CDC73: variants seen among roughly 807,000 people sequenced by gnomAD.
CDC73 encodes the protein cell division cycle 73, also known as parafibromin.
Under a neutral mutation model 83.7 loss-of-function variants are expected in CDC73, and 21 were observed. That is an observed-to-expected ratio of 0.25 (90% CI 0.18 to 0.36). The LOEUF is 0.36. CDC73 is among the 10% of genes least tolerant of loss of function. The probability of loss-of-function intolerance (pLI) is 1.00; values close to 1 mark genes in which losing one functional copy is unlikely to be tolerated. For missense variants in CDC73, 342 were observed against 653.3 expected, an observed-to-expected ratio of 0.52 and a Z score of 5.19; for synonymous variants, 224 against 212.9, an observed-to-expected ratio of 1.05 and a Z score of -0.45.
intron 10 of CDC73, among the ~76,000 whole-genome samples, chr1:193,168,858 T>C (rs770718841): frequency 6.6e-6 from 1 of 152,204 alleles, no homozygotes; most frequent in East Asian, 1.9e-4. Context: ...TCATCGACAA[T>C]AGGTAAATGA....
At chr1:193,219,978 C>T (rs1037245964) in intron 13 of CDC73, among the ~76,000 whole-genome samples, 21 of 152,080 alleles carry the variant, frequency 1.4e-4, no homozygotes, top group African/African-American at 3.9e-4. Flanking sequence ...CTACAAGAGT[C>T]AAGGCCTAAG....
chr1:193,125,317 G>C, intron 2 of CDC73, 100 bp downstream of exon 2: 3 of 758,886 alleles, frequency 4.0e-6, no homozygotes, highest in Non-Finnish European at 7.0e-6. Flanking sequence ...AGGGTGCAGT[G>C]GTGTGATCAT....
intron 10 of CDC73, among the ~76,000 whole-genome samples, chr1:193,176,365 G>T (rs763052110): frequency 2.0e-5 from 3 of 152,176 alleles, no homozygotes; most frequent in Non-Finnish European, 4.4e-5. Context: ...CTTGGTCATG[G>T]ATACTGATTA....
chr1:193,228,561 CA>C (rs2102053982), intron 13 of CDC73, among the ~76,000 whole-genome samples: 1 of 152,144 alleles, frequency 6.6e-6, no homozygotes, highest in East Asian at 1.9e-4. Context: ...CAATGCAATT[CA>C]ATTAAGAAAC....
At chr1:193,210,160 G>A (rs923363852) in intron 11 of CDC73, among the ~76,000 whole-genome samples, 1 of 152,176 alleles carries the variant, frequency 6.6e-6, no homozygotes, top group African/African-American at 2.4e-5. Flanking sequence ...CTCAGTATGT[G>A]TTTGTGTATA....
At chr1:193,246,115 A>C (rs565018705) in intron 15 of CDC73, among the ~76,000 whole-genome samples, 6 of 152,086 alleles carry the variant, frequency 3.9e-5, no homozygotes, top group Non-Finnish European at 7.4e-5. Context: ...TTTACTGTGC[A>C]GAAGCTTTTT....
chr1:193,126,697 TTAAG>T (rs1168729470), intron 2 of CDC73, among the ~76,000 whole-genome samples: 1 of 152,208 alleles, frequency 6.6e-6, no homozygotes, highest in Non-Finnish European at 1.5e-5. Flanking sequence ...ACACTTAAAA[TTAAG>T]TATGAAATGT....
chr1:193,127,858 T>G (rs1675609211), intron 2 of CDC73: 1 of 147,420 alleles, frequency 6.8e-6, no homozygotes, highest in African/African-American at 2.5e-5. Context: ...TGGCGTGATC[T>G]CGGCTCACTG....
chr1:193,239,040 CT>C (rs1220305092), intron 15 of CDC73, among the ~76,000 whole-genome samples: 1 of 152,182 alleles, frequency 6.6e-6, no homozygotes. Flanking sequence ...GATCTCATAG[CT>C]TTCAATTACC....
chr1:193,232,876 C>A, intron 13 of CDC73, 117 bp from the exon 14 acceptor site: 3 of 828,856 alleles, frequency 3.6e-6, no homozygotes, highest in South Asian at 3.2e-5. Context: ...GCACTCTAGC[C>A]TGGGCAATAA....
At chr1:193,184,651 T>C (rs920629971) in intron 10 of CDC73, among the ~76,000 whole-genome samples, 1 of 152,072 alleles carries the variant, frequency 6.6e-6, no homozygotes, top group African/African-American at 2.4e-5. Context: ...ACTTTTGTTT[T>C]GAGATGTATA....
At chr1:193,152,557 T>G in intron 10 of CDC73, 113 bp downstream of exon 10, 1 of 722,972 alleles carries the variant, frequency 1.4e-6, no homozygotes, top group South Asian at 1.5e-5. Flanking sequence ...TTTTTCTTTA[T>G]TGATCACTTG....
chr1:193,215,934 C>T (rs79120145), intron 13 of CDC73, among the ~76,000 whole-genome samples: 17 of 152,180 alleles, frequency 1.1e-4, no homozygotes, highest in South Asian at 4.1e-4. Context: ...TACAATGTAC[C>T]GGAATCCCTG....
intron 15 of CDC73, among the ~76,000 whole-genome samples, chr1:193,236,626 G>A (rs1677763597): frequency 6.6e-6 from 1 of 152,006 alleles, no homozygotes; most frequent in Non-Finnish European, 1.5e-5. Flanking sequence ...CAGACACAGT[G>A]GCTCACACCT....
chr1:193,240,611 T>G (rs1677840572), intron 15 of CDC73, among the ~76,000 whole-genome samples: 2 of 152,236 alleles, frequency 1.3e-5, no homozygotes. Context: ...GTTAGTGATG[T>G]TGAACATTTT....
Position 193,212,603 on chromosome 1 carries a change from A to G in CDC73, c.1154+126A>G, listed in dbSNP as rs749006547. The G allele has an allele frequency of 1.7e-4, 95 of 562,516 alleles. No individual in the cohort carries two copies. The Middle Eastern group carries it at 2.6e-3, about 15-fold the overall frequency. 34.8% of individuals were successfully genotyped at this position (562,516 alleles called of 1,614,324 possible). ...TCGGTTTCTGTGCTATAGGCCTTACACATAGTATGAAGCATACATTTTCAA... is the reference window on the plus strand; with the variant it reads ...TCGGTTTCTGTGCTATAGGCCTTACGCATAGTATGAAGCATACATTTTCAA... On this transcript the variant is annotated intron_variant, in intron 13 of 16. Coordinates refer to ENST00000367435, the MANE Select transcript of CDC73 (RefSeq NM_024529.5).
Position 193,250,885 on chromosome 1 carries a change from A to AT in CDC73, c.*180dup, listed in dbSNP as rs1235872000. 3.7e-5 allele frequency: 23 copies of AT among 622,924 alleles called. No homozygotes were observed. Among genetic ancestry groups the AT allele is most frequent in the South Asian group, 1.0e-4 (5 of 48,464 alleles). The allele number at this position is 622,924 out of a possible 1,614,324, so 38.6% of individuals were successfully genotyped here. A position where few individuals can be genotyped will look rare whatever the true frequency, so the allele number is the denominator to read the frequency against. On this transcript the variant is annotated 3_prime_UTR_variant, in exon 17 of 17. Coordinates refer to ENST00000367435, the MANE Select transcript of CDC73 (RefSeq NM_024529.5). Reference sequence around the variant, plus strand: ...TAAGCAAACTTTTTGGCTTACAACTATTTTTTTAATATTAGCCTTCTAGTC... The same window carrying AT: ...TAAGCAAACTTTTTGGCTTACAACTATTTTTTTTAATATTAGCCTTCTAGTC...
intron 3 of CDC73, among the ~76,000 whole-genome samples, chr1:193,131,436 A>C (rs1450863016): frequency 6.6e-6 from 1 of 152,174 alleles, no homozygotes; most frequent in African/African-American, 2.4e-5. Flanking sequence ...ATTATTGTAT[A>C]GCTTCCTCAC....
In CDC73 at chr1:193,251,409, A is replaced by G. The variant is rs1475980219; in HGVS notation, c.*697A>G. 1 of 231,958 alleles carries G rather than the reference A, an allele frequency of 4.3e-6. No individual in the cohort carries two copies. The highest frequency in any genetic ancestry group is 8.5e-6 in the Non-Finnish European group (1 of 116,998). 14.4% of individuals were successfully genotyped at this position (231,958 alleles called of 1,614,324 possible). ...TCTTTCCATTTGAAAAAAATCTCAAAACACAGATTAAAACCACAATAGGCT... is the reference window on the plus strand; with the variant it reads ...TCTTTCCATTTGAAAAAAATCTCAAGACACAGATTAAAACCACAATAGGCT... On this transcript the variant is annotated 3_prime_UTR_variant, in exon 17 of 17. Transcript: ENST00000367435.
Sources: allele counts gnomAD v4.1 joint callset (sites outside exome capture counted in the v4.1 genomes callset), GRCh38; gene constraint gnomAD v4.1.1; transcripts MANE v1.5; gene names NCBI Gene and HGNC (gene_info 2026-07-23, HGNC 2026-07-21).